The following EPB42 variants were observed in gnomAD, a reference collection of about 807,000 sequenced individuals.
The protein encoded by EPB42 is protein 4.2.
EPB42 carries 49 observed loss-of-function variants against 76.9 expected under a neutral mutation model. The observed-to-expected ratio is 0.64, with a 90% CI of 0.51 to 0.81. The LOEUF (loss-of-function observed/expected upper bound fraction) is 0.81. Ranked by LOEUF, EPB42 falls within the 30% of genes least tolerant of loss-of-function variation. The pLI is 0.00. For synonymous variants in EPB42, 310 were observed against 338.4 expected, an observed-to-expected ratio of 0.92 and a Z score of 0.92; for missense variants, 731 against 867.6, an observed-to-expected ratio of 0.84 and a Z score of 1.98.
intron 1 of EPB42, 67 bp downstream of exon 1, chr15:43,220,749 A>G: frequency 6.2e-7 from 1 of 1,611,206 alleles, no homozygotes. Flanking sequence ...TCCTTTAATG[A>G]AAACAGGTGA....
At chr15:43,199,860 C>T (rs1375402650) in intron 12 of EPB42, among the ~76,000 whole-genome samples, 4 of 152,088 alleles carry the variant, frequency 2.6e-5, no homozygotes, top group Admixed American at 6.5e-5. Context: ...TTTCCACTTT[C>T]GCTTCTTCCT....
At chr15:43,208,926 T>A (rs2042248699) in intron 6 of EPB42, 151 bp from the exon 7 acceptor site, 1 of 919,996 alleles carries the variant, frequency 1.1e-6, no homozygotes, top group Non-Finnish European at 1.6e-6. Flanking sequence ...AAGAACAGGA[T>A]GCATGAAGGC....
At chr15:43,203,416 G>T in intron 10 of EPB42, 141 bp from the exon 11 acceptor site, 1 of 1,117,192 alleles carries the variant, frequency 9.0e-7, no homozygotes, top group Non-Finnish European at 1.3e-6. Flanking sequence ...TTGTACACTT[G>T]GAACTCACTC....
At chr15:43,203,406 T>G in intron 10 of EPB42, 131 bp from the exon 11 acceptor site, 1 of 1,187,026 alleles carries the variant, frequency 8.4e-7, no homozygotes, top group Non-Finnish European at 1.2e-6. Context: ...TCCCCAGCAA[T>G]TGTACACTTG....
rs894644367 is a variant in EPB42 at position 43,206,909 on chromosome 15, C to T, written c.1319-280G>A. Among the ~76,000 whole-genome samples, 1 of 152,222 alleles carries T rather than the reference C, an allele frequency of 6.6e-6. No homozygotes were observed. The highest frequency in any genetic ancestry group is 1.5e-5 in the Non-Finnish European group (1 of 68,028). ...TGAGAGAGCAAGGTTGGGGACAAGT[C>T]AACACTGTCTCTGAGGACAGTTTTG... is the stretch of plus-strand genomic sequence containing the variant. On this transcript the variant is annotated intron_variant, in intron 9 of 12. Transcript: ENST00000441366. This position sits in a 1 kb window ranked among gnomAD's most constrained non-coding sequence, Gnocchi z 4.7.
At chr15:43,211,645 C>T (rs950068057) in intron 3 of EPB42, 111 bp from the exon 4 acceptor site, 1 of 789,176 alleles carries the variant, frequency 1.3e-6, no homozygotes, top group African/African-American at 1.7e-5. Flanking sequence ...GCCACCCCGT[C>T]AGCTCTGGGC....
intron 3 of EPB42, among the ~76,000 whole-genome samples, chr15:43,213,965 T>C (rs1011148793): frequency 6.6e-6 from 1 of 152,186 alleles, no homozygotes; most frequent in African/African-American, 2.4e-5. Context: ...GAGGCCAGGC[T>C]TAAGAACCTG....
intron 10 of EPB42, 45 bp from the exon 11 acceptor site, chr15:43,203,320 C>A (rs531690568): frequency 6.2e-7 from 1 of 1,612,060 alleles, no homozygotes; most frequent in East Asian, 2.2e-5. Flanking sequence ...GGTGTATGTA[C>A]CCCAGAAACA....
At chr15:43,202,991 A>C (rs1477539815) in intron 11 of EPB42, 124 bp downstream of exon 11, 49 of 1,235,430 alleles carry the variant, frequency 4.0e-5, no homozygotes, top group Non-Finnish European at 5.8e-5. Context: ...AGGAGCTCTT[A>C]AATGTAGCAT....
intron 11 of EPB42, among the ~76,000 whole-genome samples, chr15:43,202,473 C>G (rs2042140942): frequency 1.3e-5 from 2 of 152,352 alleles, no homozygotes; most frequent in East Asian, 1.9e-4. Context: ...TAGATGTCAT[C>G]TCTTTCATAA....
chr15:43,202,279 C>T (rs966214661), intron 11 of EPB42, among the ~76,000 whole-genome samples: 1 of 152,164 alleles, frequency 6.6e-6, no homozygotes, highest in African/African-American at 2.4e-5. Flanking sequence ...GTCCCCAAAC[C>T]CCCTCTCCCA....
Position 43,220,720 on chromosome 15 carries a change from G to A in EPB42, c.10+96C>T, listed in dbSNP as rs376592468. ...ACCATAGTTATACCACCATCTCCCC[G>A]CCTACCATCCATCCCACTTCCTTTA... is the stretch of plus-strand genomic sequence containing the variant. On this transcript the variant is annotated intron_variant, in intron 1 of 12. Coordinates refer to ENST00000441366, the MANE Select transcript of EPB42 (RefSeq NM_001114134.2). 56 of 1,286,354 alleles carry A rather than the reference G, an allele frequency of 4.4e-5. No homozygotes were observed. The highest frequency in any genetic ancestry group is 2.8e-4 in the Admixed American group (12 of 42,544). The allele number at this position is 1,286,354 out of a possible 1,614,324, so 79.7% of individuals were successfully genotyped here.
chr15:43,202,851 G>A (rs1347438722), intron 11 of EPB42, among the ~76,000 whole-genome samples: 1 of 152,172 alleles, frequency 6.6e-6, no homozygotes, highest in Admixed American at 6.5e-5. Context: ...ATAAACATAG[G>A]CTATTATGAT....
At chr15:43,201,770 A>G (rs2042129341) in intron 12 of EPB42, 74 bp downstream of exon 12, 2 of 1,602,320 alleles carry the variant, frequency 1.2e-6, no homozygotes, top group Non-Finnish European at 8.6e-7. Context: ...GCAAAGAGAG[A>G]GTTTCTCTCT....
chr15:43,207,478 G>A (rs377572934), intron 8 of EPB42, 37 bp from the exon 9 acceptor site: 11 of 1,609,648 alleles, frequency 6.8e-6, no homozygotes, highest in East Asian at 2.2e-5. Flanking sequence ...TGGGAGCTGC[G>A]CCTAGACCTC....
At chr15:43,207,968 C>A (rs2042230578) in intron 8 of EPB42, among the ~76,000 whole-genome samples, 1 of 152,204 alleles carries the variant, frequency 6.6e-6, no homozygotes, top group African/African-American at 2.4e-5. Flanking sequence ...ATCCTCTGCC[C>A]TTCACTGTGA....
chr15:43,221,821 T>TAAAAAAAAA (rs56939497), upstream of EPB42, among the ~76,000 whole-genome samples: 1 of 107,472 alleles, frequency 9.3e-6, no homozygotes, highest in African/African-American at 3.5e-5. Context: ...TCTTATTATG[T>TAAAAAAAAA]AAAAAAAAAA....
At chr15:43,219,205 C>G (rs189201727) in intron 1 of EPB42, among the ~76,000 whole-genome samples, 3 of 152,220 alleles carry the variant, frequency 2.0e-5, no homozygotes, top group African/African-American at 7.2e-5. Context: ...CGCGGACTGG[C>G]ACATCATCAT....
chr15:43,207,734 T>A (rs2042226982), intron 8 of EPB42, among the ~76,000 whole-genome samples: 1 of 152,180 alleles, frequency 6.6e-6, no homozygotes, highest in Admixed American at 6.5e-5. Context: ...CAAGCCAGCT[T>A]TACTATGGAT....
Sources: allele counts gnomAD v4.1 joint callset (sites outside exome capture counted in the v4.1 genomes callset), GRCh38; gene constraint gnomAD v4.1.1; non-coding constraint Gnocchi (gnomAD v3.1); transcripts MANE v1.5; gene names NCBI Gene and HGNC (gene_info 2026-07-23, HGNC 2026-07-21).